ROBO1: variants seen among roughly 807,000 people sequenced by gnomAD.
The protein encoded by ROBO1 is roundabout homolog 1.
In ROBO1, 149 loss-of-function variants were observed where a neutral mutation model predicts 195.9. That is an observed-to-expected ratio of 0.76 (90% CI 0.67 to 0.87). ROBO1 has a LOEUF of 0.87. Ranked by LOEUF, ROBO1 falls within the 40% of genes least tolerant of loss-of-function variation. ROBO1 has a pLI of 0.00. For missense variants in ROBO1, 1,933 were observed against 2,068.3 expected (o/e 0.93, Z 1.27); for synonymous variants, 816 against 733.2 (o/e 1.11, Z -1.82).
chr3:79,173,364 TGC>T (rs2081201153), intron 2 of ROBO1, among the ~76,000 whole-genome samples: 1 of 152,032 alleles, frequency 6.6e-6, no homozygotes, highest in Admixed American at 6.5e-5. Context: ...GAACCAGGGC[TGC>T]GCGCGGTGCT....
intron 4 of ROBO1, among the ~76,000 whole-genome samples, chr3:78,772,360 GAAATA>G (rs1054848475): frequency 2.0e-5 from 3 of 151,894 alleles, no homozygotes; most frequent in Non-Finnish European, 4.4e-5. Flanking sequence ...ACATCTTCCT[GAAATA>G]AAATCCATAG....
intron 24 of ROBO1, among the ~76,000 whole-genome samples, chr3:78,632,036 G>A (rs1375775225): frequency 6.6e-6 from 1 of 152,066 alleles, no homozygotes; most frequent in African/African-American, 2.4e-5. Flanking sequence ...ATATATTTGA[G>A]AGCATTTATT....
intron 2 of ROBO1, among the ~76,000 whole-genome samples, chr3:79,256,248 T>C (rs1447323782): frequency 6.6e-6 from 1 of 152,184 alleles, no homozygotes; most frequent in African/African-American, 2.4e-5. Context: ...AAGTCTCCTC[T>C]TCTTTGGTTC....
At chr3:78,658,926 T>A (rs1381467813) in intron 17 of ROBO1, among the ~76,000 whole-genome samples, 1 of 152,194 alleles carries the variant, frequency 6.6e-6, no homozygotes, top group Admixed American at 6.5e-5. Flanking sequence ...TTTATTATTT[T>A]AAATTGACCA....
intron 3 of ROBO1, among the ~76,000 whole-genome samples, chr3:79,064,774 AT>A (rs2108415932): frequency 6.6e-6 from 1 of 152,066 alleles, no homozygotes; most frequent in Non-Finnish European, 1.5e-5. Context: ...TCCCAGATAG[AT>A]TTCATGTTCT....
chr3:78,790,192 T>G (rs1328991600), intron 4 of ROBO1, among the ~76,000 whole-genome samples: 1 of 152,174 alleles, frequency 6.6e-6, no homozygotes, highest in Non-Finnish European at 1.5e-5. Flanking sequence ...ACACCAAAAG[T>G]TACCAACACA....
chr3:79,171,984 T>C (rs898757503), intron 2 of ROBO1, among the ~76,000 whole-genome samples: 5 of 152,062 alleles, frequency 3.3e-5, no homozygotes, highest in African/African-American at 9.7e-5. Flanking sequence ...ATATATAAAA[T>C]ATAACACTAC....
chr3:79,628,401 C>T (rs963662218), intron 1 of ROBO1, among the ~76,000 whole-genome samples: 7 of 152,080 alleles, frequency 4.6e-5, no homozygotes, highest in Non-Finnish European at 8.8e-5. Flanking sequence ...CCAAACACCG[C>T]ATGTTCTCAC....
At chr3:79,714,368 T>C (rs1308205995) in intron 1 of ROBO1, among the ~76,000 whole-genome samples, 1 of 152,102 alleles carries the variant, frequency 6.6e-6, no homozygotes, top group Non-Finnish European at 1.5e-5. Flanking sequence ...GGAGAGGATG[T>C]GGAGAAATAG....
chr3:79,075,737 T>C (rs1276859895), intron 3 of ROBO1, among the ~76,000 whole-genome samples: 1 of 151,910 alleles, frequency 6.6e-6, no homozygotes, highest in African/African-American at 2.4e-5. Context: ...TAGAAATACA[T>C]TAGAGGAATT....
rs557401369 is a variant in ROBO1 at position 79,152,313 on chromosome 3, G to C, written c.89-26774C>G. On this transcript the variant is annotated intron_variant, in intron 2 of 30. Coordinates refer to ENST00000464233, the MANE Select transcript of ROBO1 (RefSeq NM_002941.4). The stretch of plus-strand genomic sequence containing the variant: ...GAAGATAATATTTCTAATAAGTTTT[G>C]TTTCCTCCATATCAGGAAATTGAGT... Among the ~76,000 whole-genome samples, 27 of 151,808 alleles carry C rather than the reference G, an allele frequency of 1.8e-4. 1 individual carries two copies. Among genetic ancestry groups the C allele is most frequent in the Middle Eastern group, 3.4e-3 (1 of 294 alleles).
chr3:79,141,568 T>TTG (rs780308588), intron 2 of ROBO1, among the ~76,000 whole-genome samples: 3 of 1,274 alleles, frequency 2.4e-3, no homozygotes, highest in Non-Finnish European at 5.5e-3. Flanking sequence ...GCTGTTGTTG[T>TTG]TTTTTTTTTT....
At chr3:79,368,136 T>C (rs1009145947) in intron 2 of ROBO1, among the ~76,000 whole-genome samples, 10 of 152,154 alleles carry the variant, frequency 6.6e-5, no homozygotes, top group African/African-American at 2.4e-4. Flanking sequence ...TTTCATTGTG[T>C]TGGCCAGGCT....
chr3:79,531,359 G>T (rs7622430), intron 2 of ROBO1, among the ~76,000 whole-genome samples: 2 of 151,846 alleles, frequency 1.3e-5, no homozygotes, highest in Non-Finnish European at 2.9e-5. Context: ...TGGCGGCTCA[G>T]GCCTGTAATC....
chr3:79,759,576 G>A (rs578047184), intron 1 of ROBO1, among the ~76,000 whole-genome samples: 14 of 152,308 alleles, frequency 9.2e-5, no homozygotes, highest in African/African-American at 3.1e-4. Context: ...ATGACGCTAT[G>A]CATAGCTAAG....
chr3:78,995,126 T>C (rs994562394), intron 3 of ROBO1, among the ~76,000 whole-genome samples: 1 of 152,180 alleles, frequency 6.6e-6, no homozygotes, highest in African/African-American at 2.4e-5. Flanking sequence ...ATTCCATCTG[T>C]AACTGAACAA....
chr3:79,297,074 C>T (rs947865148), intron 2 of ROBO1, among the ~76,000 whole-genome samples: 13 of 152,078 alleles, frequency 8.5e-5, no homozygotes, highest in South Asian at 4.1e-4. Flanking sequence ...TTTTTGATTA[C>T]GTTATTTTCA....
intron 2 of ROBO1, among the ~76,000 whole-genome samples, chr3:79,262,065 G>T (rs1220120800): frequency 1.3e-5 from 2 of 151,996 alleles, no homozygotes; most frequent in African/African-American, 2.4e-5. Flanking sequence ...TGTGCTCTTG[G>T]TCAACAAGCC....
intron 1 of ROBO1, among the ~76,000 whole-genome samples, chr3:79,640,437 A>G (rs1428150565): frequency 6.6e-6 from 1 of 152,022 alleles, no homozygotes; most frequent in African/African-American, 2.4e-5. Context: ...TTCTTTGTAA[A>G]TTACCCAGTG....
Sources: allele counts gnomAD v4.1 joint callset (sites outside exome capture counted in the v4.1 genomes callset), GRCh38; gene constraint gnomAD v4.1.1; transcripts MANE v1.5; gene names NCBI Gene and HGNC (gene_info 2026-07-23, HGNC 2026-07-21).